Variants in PARP8 observed in about 807,000 individuals in gnomAD.
PARP8 encodes the protein protein mono-ADP-ribosyltransferase PARP8.
In PARP8, 51 loss-of-function variants were observed where a neutral mutation model predicts 124.1. That is an observed-to-expected ratio of 0.41 (90% confidence interval 0.33 to 0.52). The LOEUF (loss-of-function observed/expected upper bound fraction) is 0.52. PARP8 is among the 20% of genes least tolerant of loss of function. The pLI is 0.21. For missense variants in PARP8, 860 were observed against 1,018.9 expected, an observed-to-expected ratio of 0.84 and a Z score of 2.12; for synonymous variants, 391 against 361.5, an observed-to-expected ratio of 1.08 and a Z score of -0.93.
chr5:50,826,778 A>G lies in PARP8; in HGVS notation c.1952A>G (p.His651Arg), dbSNP rs1395453540. Residue 651 changes from histidine (H) to arginine (R), a missense_variant, in exon 19 of 26, where the codon CAT becomes CGT. By Grantham distance (29) the His-to-Arg change is conservative. Transcript: ENST00000281631. ...LQWVISSNRS[H>R]IVKLPVNRQL... ...AGGGTTATATCAAGTAATAGATCAC[A>G]TATTGTGAAACTGCCAGTTAACAGG... 1.9e-6 allele frequency: 3 copies of G among 1,589,874 alleles called. No individual in the cohort carries two copies. Among genetic ancestry groups the G allele is most frequent in the South Asian group, 1.2e-5 (1 of 84,792 alleles).
chr5:50,675,561 G>C (rs1290763260), intron 2 of PARP8, among the ~76,000 whole-genome samples: 1 of 152,146 alleles, frequency 6.6e-6, no homozygotes, highest in Non-Finnish European at 1.5e-5. Context: ...TGCCCGCCTC[G>C]GCCTCCCAAA....
intron 10 of PARP8, among the ~76,000 whole-genome samples, chr5:50,792,295 A>G (rs1467168402): frequency 6.6e-6 from 1 of 152,072 alleles, no homozygotes; most frequent in East Asian, 1.9e-4. Context: ...TCATATGTAT[A>G]CTCCAGATTA....
intron 3 of PARP8, among the ~76,000 whole-genome samples, chr5:50,755,591 G>A (rs1286646061): frequency 6.6e-6 from 1 of 152,140 alleles, no homozygotes; most frequent in Non-Finnish European, 1.5e-5. Context: ...TAGCCTTATA[G>A]TATAGTTTGA....
At chr5:50,816,527 G>A (rs571610695) in intron 15 of PARP8, among the ~76,000 whole-genome samples, 1 of 152,192 alleles carries the variant, frequency 6.6e-6, no homozygotes, top group South Asian at 2.1e-4. Flanking sequence ...CCTTGGCCTA[G>A]TCATTTTAAT....
At chr5:50,807,004 A>G (rs971304501) in intron 14 of PARP8, among the ~76,000 whole-genome samples, 7 of 152,024 alleles carry the variant, frequency 4.6e-5, no homozygotes, top group African/African-American at 1.4e-4. Flanking sequence ...TCAGGTTTCT[A>G]TAGAATTCTA....
At chr5:50,788,727 G>A (rs984443851) in intron 10 of PARP8, 138 bp downstream of exon 10, 113 of 694,292 alleles carry the variant, frequency 1.6e-4, no homozygotes, top group Admixed American at 5.0e-4. Flanking sequence ...AAATCATCAT[G>A]ATGCTAAGAG....
At chr5:50,789,564 A>G (rs1741712929) in intron 10 of PARP8, among the ~76,000 whole-genome samples, 1 of 152,208 alleles carries the variant, frequency 6.6e-6, no homozygotes, top group East Asian at 1.9e-4. Context: ...TAGAGTCTAG[A>G]TGAGCCTTGA....
intron 2 of PARP8, among the ~76,000 whole-genome samples, chr5:50,720,447 C>T (rs1016428549): frequency 1.3e-5 from 2 of 151,970 alleles, no homozygotes. Context: ...TCTTTCAGCT[C>T]GCCTCTTCCT....
In PARP8 at chr5:50,706,797, C is replaced by G. The variant is rs149164432; in HGVS notation, c.146+38672C>G. Among the ~76,000 whole-genome samples, 40 of 152,022 alleles carry G rather than the reference C, an allele frequency of 2.6e-4. No homozygotes were observed. In the East Asian group the frequency reaches 7.7e-3, roughly 29 times the overall value. The stretch of plus-strand genomic sequence containing the variant: ...ATAATAAGAAGAAAGAGAATAGCAC[C>G]AAGTATGTTCATTTTTTGAAAACAG... On this transcript the variant is annotated intron_variant, in intron 2 of 25. Transcript: ENST00000281631.
intron 9 of PARP8, among the ~76,000 whole-genome samples, chr5:50,787,747 A>G (rs1265421303): frequency 6.6e-6 from 1 of 151,836 alleles, no homozygotes; most frequent in Non-Finnish European, 1.5e-5. Context: ...TATTAATTTA[A>G]TTAATATAGT....
At position 50,797,021 on chromosome 5, in the gene PARP8, T is replaced by C; in HGVS notation, c.1468T>C (p.Phe490Leu). ...AKCIPVRDRG[F>L]LVQTIEFAEQ... is the part of the protein sequence containing the mutation. ...ATGCATTCCAGTACGAGACCGTGGC[T>C]TCCTGGTGCAGGTATGAGCCAAAAC... Residue 490 changes from phenylalanine to leucine, a missense_variant, in exon 13 of 26, where the codon TTC (phenylalanine) becomes CTC (leucine). By Grantham distance (22) the Phe-to-Leu change is conservative. Coordinates refer to ENST00000281631, the MANE Select transcript of PARP8 (RefSeq NM_024615.4). The C allele has an allele frequency of 6.2e-7, 1 of 1,613,090 alleles. No homozygotes were observed. The highest frequency in any genetic ancestry group is 8.5e-7 in the Non-Finnish European group (1 of 1,179,408).
intron 19 of PARP8, among the ~76,000 whole-genome samples, chr5:50,827,700 GTC>G (rs1746502022): frequency 6.6e-6 from 1 of 152,134 alleles, no homozygotes; most frequent in African/African-American, 2.4e-5. Context: ...GCTTTGGATT[GTC>G]TGTTTCCTAT....
At chr5:50,759,605 CTT>C in intron 3 of PARP8, 36 bp from the exon 4 acceptor site, 1 of 1,487,678 alleles carries the variant, frequency 6.7e-7, no homozygotes. Flanking sequence ...ATTTTTTAAA[CTT>C]ATGCCTTTCA....
At chr5:50,839,866 T>C (rs568778043) in intron 25 of PARP8, among the ~76,000 whole-genome samples, 4 of 151,938 alleles carry the variant, frequency 2.6e-5, no homozygotes, top group South Asian at 2.1e-4. Context: ...AGACAAACCC[T>C]TCCATCTGAC....
intron 2 of PARP8, among the ~76,000 whole-genome samples, chr5:50,739,711 T>C (rs1360983029): frequency 3.2e-5 from 3 of 95,146 alleles, no homozygotes; most frequent in Non-Finnish European, 3.6e-5. Flanking sequence ...GGTATATACA[T>C]ATATATATAT....
At chr5:50,793,357 T>G (rs1232752115) in intron 10 of PARP8, among the ~76,000 whole-genome samples, 1 of 152,212 alleles carries the variant, frequency 6.6e-6, no homozygotes, top group African/African-American at 2.4e-5. Flanking sequence ...ACTTAAGTAT[T>G]AGTGTTGAGG....
At chr5:50,674,978 CATTACAAGAT>C (rs1299299941) in intron 2 of PARP8, among the ~76,000 whole-genome samples, 1 of 152,212 alleles carries the variant, frequency 6.6e-6, no homozygotes, top group African/African-American at 2.4e-5. Flanking sequence ...TATGTCCATC[CATTACAAGAT>C]TAATAACCAC....
rs372190727 is a variant in PARP8 at position 50,705,968 on chromosome 5, T to C, written c.146+37843T>C. On this transcript the variant is annotated intron_variant, in intron 2 of 25. Transcript: ENST00000281631. ...TGCACAGTCCTTCAGTGAGAATCTT[T>C]GTATCTCCTTGTGTACTTGTGCTAG... 3.3e-5 allele frequency among the ~76,000 whole-genome samples: 5 copies of C among 152,296 alleles called. No homozygotes were observed. The East Asian group carries it at 5.8e-4, about 18-fold the overall frequency.
intron 2 of PARP8, among the ~76,000 whole-genome samples, chr5:50,749,317 G>C (rs1758963873): frequency 6.6e-6 from 1 of 152,128 alleles, no homozygotes; most frequent in Admixed American, 6.5e-5. Context: ...GCAGGTGGCA[G>C]CTTCACTGAT....
Sources: gnomAD v4.1 joint callset for allele counts (sites outside exome capture counted in the v4.1 genomes callset) on GRCh38, gnomAD v4.1.1 for gene constraint, MANE v1.5 for transcripts, NCBI Gene and HGNC (gene_info 2026-07-23, HGNC 2026-07-21) for gene names.